SLC9A9: variants seen among roughly 807,000 people sequenced by gnomAD.
SLC9A9 encodes sodium/hydrogen exchanger 9.
A neutral mutation model predicts 77.8 loss-of-function variants in SLC9A9; 62 were observed. The observed-to-expected ratio is 0.80, with a 90% CI of 0.65 to 0.98. The LOEUF is 0.98. SLC9A9 is among the 50% of genes least tolerant of loss of function. The pLI, the probability that SLC9A9 is intolerant of heterozygous loss-of-function variation, is 0.00. For synonymous variants in SLC9A9, 320 were observed against 283.5 expected (o/e 1.13, Z -1.29); for missense variants, 775 against 774.9 (o/e 1.00, Z 0.00).
chr3:143,539,239 T>C (rs1298979414), intron 9 of SLC9A9, among the ~76,000 whole-genome samples: 1 of 152,222 alleles, frequency 6.6e-6, no homozygotes, highest in Non-Finnish European at 1.5e-5. Context: ...AACCAAACTC[T>C]TGTTCTCACT....
intron 4 of SLC9A9, among the ~76,000 whole-genome samples, chr3:143,765,107 CTCTTTTTCTTTCTTTCTCTCTTTCTT>C (rs754654007): frequency 2.1e-3 from 297 of 144,400 alleles, no homozygotes; most frequent in Admixed American, 2.9e-3. Flanking sequence ...CTTTCTTTCC[CTCTTTTTCTTTCTTTCTCTCTTTCTT>C]TCTTTTTCTT....
chr3:143,364,814 T>C (rs752831898), intron 13 of SLC9A9, among the ~76,000 whole-genome samples: 5 of 152,224 alleles, frequency 3.3e-5, no homozygotes, highest in Non-Finnish European at 7.3e-5. Context: ...TTTTGTCTTT[T>C]TCATTGATTG....
At chr3:143,266,990 C>T in intron 15 of SLC9A9, 61 bp from the exon 16 acceptor site, 1 of 1,514,348 alleles carries the variant, frequency 6.6e-7, no homozygotes, top group Non-Finnish European at 9.1e-7. Flanking sequence ...AATAGCAGTC[C>T]TACAATTTTT....
chr3:143,743,497 C>T (rs773992920), intron 4 of SLC9A9, among the ~76,000 whole-genome samples: 60 of 152,168 alleles, frequency 3.9e-4, no homozygotes, highest in Admixed American at 3.3e-4. Flanking sequence ...GGCCTAACAG[C>T]CTGGAGTTTT....
At chr3:143,753,850 G>A (rs150690435) in intron 4 of SLC9A9, among the ~76,000 whole-genome samples, 1 of 152,036 alleles carries the variant, frequency 6.6e-6, no homozygotes, top group East Asian at 1.9e-4. Flanking sequence ...TATATAAGAA[G>A]GTGAAGAAAA....
intron 4 of SLC9A9, among the ~76,000 whole-genome samples, chr3:143,740,889 G>A (rs932160943): frequency 6.6e-6 from 1 of 152,110 alleles, no homozygotes; most frequent in African/African-American, 2.4e-5. Context: ...GTGTATTGGA[G>A]TTAAACAATT....
intron 6 of SLC9A9, among the ~76,000 whole-genome samples, chr3:143,605,100 AT>A (rs1367844262): frequency 6.6e-6 from 1 of 151,954 alleles, no homozygotes; most frequent in Non-Finnish European, 1.5e-5. Context: ...TGGTCTCTAT[AT>A]TTTCTTTACA....
intron 5 of SLC9A9, among the ~76,000 whole-genome samples, chr3:143,661,505 G>A (rs1242751715): frequency 6.6e-6 from 1 of 152,054 alleles, no homozygotes; most frequent in Non-Finnish European, 1.5e-5. Flanking sequence ...CCCCTCCTTT[G>A]TTTTGAGGAG....
chr3:143,588,818 C>G (rs1247561852), intron 6 of SLC9A9, among the ~76,000 whole-genome samples: 1 of 152,040 alleles, frequency 6.6e-6, no homozygotes, highest in Admixed American at 6.5e-5. Context: ...ATTTGAATCC[C>G]ACTACTGTGG....
chr3:143,624,766 G>A (rs1055055767), intron 6 of SLC9A9, among the ~76,000 whole-genome samples: 4 of 152,198 alleles, frequency 2.6e-5, no homozygotes, highest in East Asian at 1.9e-4. Flanking sequence ...TTCTGGCCAG[G>A]GCAATCAGGC....
At chr3:143,700,597 A>T (rs765375322) in intron 4 of SLC9A9, among the ~76,000 whole-genome samples, 1 of 152,142 alleles carries the variant, frequency 6.6e-6, no homozygotes, top group Non-Finnish European at 1.5e-5. Context: ...AAGGGGAGGG[A>T]AGAGTGGAAA....
chr3:143,681,894 C>T (rs1208329748), intron 5 of SLC9A9, among the ~76,000 whole-genome samples: 1 of 152,152 alleles, frequency 6.6e-6, no homozygotes, highest in Non-Finnish European at 1.5e-5. Flanking sequence ...GTCCCTTACC[C>T]AGTAACCAAA....
intron 8 of SLC9A9, among the ~76,000 whole-genome samples, chr3:143,553,012 T>C (rs4839641): frequency 6.6e-6 from 1 of 151,842 alleles, no homozygotes; most frequent in Non-Finnish European, 1.5e-5. Context: ...GACCTTGTTT[T>C]CTCCTGTGCC....
chr3:143,290,916 C>G (rs1419974639), intron 14 of SLC9A9, among the ~76,000 whole-genome samples: 1 of 152,206 alleles, frequency 6.6e-6, no homozygotes, highest in Admixed American at 6.5e-5. Flanking sequence ...ATGTAGGTGA[C>G]AGCTTGGAGT....
At chr3:143,423,006 C>T (rs1297363506) in intron 12 of SLC9A9, among the ~76,000 whole-genome samples, 2 of 152,054 alleles carry the variant, frequency 1.3e-5, no homozygotes, top group Non-Finnish European at 2.9e-5. Flanking sequence ...TTTCCTTGAG[C>T]CTCCTAGTGG....
At chr3:143,468,447 C>A (rs909668892) in intron 11 of SLC9A9, among the ~76,000 whole-genome samples, 1 of 152,164 alleles carries the variant, frequency 6.6e-6, no homozygotes, top group Non-Finnish European at 1.5e-5. Flanking sequence ...TGTGTCTGTC[C>A]TTCTTCTAAT....
intron 6 of SLC9A9, among the ~76,000 whole-genome samples, chr3:143,581,013 A>G (rs1230287154): frequency 6.6e-6 from 1 of 152,246 alleles, no homozygotes. Context: ...GCAAAGCATA[A>G]CTCGGCAGGG....
intron 5 of SLC9A9, among the ~76,000 whole-genome samples, chr3:143,660,909 T>C (rs934477569): frequency 1.3e-5 from 2 of 152,234 alleles, no homozygotes; most frequent in African/African-American, 4.8e-5. Context: ...GATTTTCAAA[T>C]ATGTGTGCCT....
At chr3:143,768,691 C>T (rs2007413197) in intron 4 of SLC9A9, among the ~76,000 whole-genome samples, 1 of 152,128 alleles carries the variant, frequency 6.6e-6, no homozygotes, top group Non-Finnish European at 1.5e-5. Context: ...GAACAAATGA[C>T]ATGGCGTATT....
Sources: gnomAD v4.1 joint callset for allele counts (sites outside exome capture counted in the v4.1 genomes callset) on GRCh38, gnomAD v4.1.1 for gene constraint, MANE v1.5 for transcripts, NCBI Gene and HGNC (gene_info 2026-07-23, HGNC 2026-07-21) for gene names.